MPRIP: variants seen among roughly 807,000 people sequenced by gnomAD.
MPRIP encodes myosin phosphatase Rho-interacting protein.
In MPRIP, 59 loss-of-function variants were observed where a neutral mutation model predicts 234.9. The ratio of observed to expected loss-of-function variants is 0.25; its 90% confidence interval spans 0.20 to 0.31. MPRIP has a LOEUF of 0.31. Among genes scored for constraint, MPRIP ranks in the 10% least tolerant of loss-of-function variants. The pLI is 1.00. For synonymous variants in MPRIP, 1,144 were observed against 1,263.9 expected, an observed-to-expected ratio of 0.91 and a Z score of 2.01; for missense variants, 2,436 against 3,071.0, an observed-to-expected ratio of 0.79 and a Z score of 4.89.
rs1431104870 is a variant in MPRIP at position 17,185,416 on chromosome 17, G to A, written c.*522G>A. The A allele has an allele frequency of 9.1e-6, 4 of 437,798 alleles. No individual in the cohort carries two copies. The highest frequency in any genetic ancestry group is 1.8e-5 in the Non-Finnish European group (4 of 216,294). 27.1% of individuals were successfully genotyped at this position (437,798 alleles called of 1,614,324 possible). ...AGAAAGTGCACTGCCTTCCAGCCCA[G>A]GAGGAGGACAGCATTTTGTATTTGT... On this transcript the variant is annotated 3_prime_UTR_variant, in exon 24 of 24. Transcript: ENST00000651222.
At chr17:17,181,576 G>T (rs943828339) in intron 23 of MPRIP, 2 of 152,184 alleles carry the variant, frequency 1.3e-5, no homozygotes, top group Non-Finnish European at 2.9e-5. Context: ...TAAACATAAC[G>T]TTTTGTTTAG....
At position 17,078,176 on chromosome 17, in the gene MPRIP, T is replaced by TC; in HGVS notation, c.267+102dup. On this transcript the variant is annotated intron_variant, in intron 3 of 23. Transcript: ENST00000651222. This position sits in a 1 kb window ranked among gnomAD's most constrained non-coding sequence, Gnocchi z 4.3. Reference sequence around the variant, plus strand: ...ATGTGAGAGCACAGCAGCCATGTGCTCCTGCTTGTGTCTGTTTGGGAGTGT... The same window carrying TC: ...ATGTGAGAGCACAGCAGCCATGTGCTCCCTGCTTGTGTCTGTTTGGGAGTGT... 8.0e-7 allele frequency: 1 copy of TC among 1,250,478 alleles called. No homozygotes were observed. The highest frequency in any genetic ancestry group is 1.2e-6 in the Non-Finnish European group (1 of 859,592). 77.5% of individuals were successfully genotyped at this position (1,250,478 alleles called of 1,614,324 possible).
chr17:17,180,217 C>T, intron 23 of MPRIP, 129 bp downstream of exon 23: 1 of 767,752 alleles, frequency 1.3e-6, no homozygotes, highest in South Asian at 1.9e-5. Context: ...CTGAGCCAGC[C>T]CGAGCTCACC....
intron 13 of MPRIP, among the ~76,000 whole-genome samples, chr17:17,156,701 G>A (rs1272256624): frequency 6.6e-6 from 1 of 152,182 alleles, no homozygotes; most frequent in Non-Finnish European, 1.5e-5. Context: ...GGCCAGGCTG[G>A]GGGCCTCCAT....
intron 1 of MPRIP, among the ~76,000 whole-genome samples, chr17:17,073,319 G>C (rs745425201): frequency 2.8e-4 from 43 of 152,332 alleles, no homozygotes; most frequent in Non-Finnish European, 5.4e-4. Flanking sequence ...GGCTGCTGCA[G>C]GCTCCCTGGT....
chr17:17,101,357 G>A (rs746782664), intron 3 of MPRIP, among the ~76,000 whole-genome samples: 1 of 152,212 alleles, frequency 6.6e-6, no homozygotes, highest in African/African-American at 2.4e-5. Flanking sequence ...CCTGAGGTCA[G>A]GAGTTCGAGA....
In MPRIP at chr17:17,185,448, G is replaced by A. The variant is rs1318338102; in HGVS notation, c.*554G>A. 1.3e-5 allele frequency: 6 copies of A among 453,994 alleles called. No homozygotes were observed. Among genetic ancestry groups the A allele is most frequent in the Non-Finnish European group, 1.8e-5 (4 of 225,302 alleles). The allele number at this position is 453,994 out of a possible 1,614,324, so 28.1% of individuals were successfully genotyped here. On this transcript the variant is annotated 3_prime_UTR_variant, in exon 24 of 24. Transcript: ENST00000651222. ...GACAGCATTTTGTATTTGTTCCACT[G>A]ATGCAGCTTAGAACCACACCCCTGA...
intron 3 of MPRIP, among the ~76,000 whole-genome samples, chr17:17,079,763 A>G (rs2089419887): frequency 6.6e-6 from 1 of 152,244 alleles, no homozygotes; most frequent in Non-Finnish European, 1.5e-5. Context: ...AAGTCCAGCA[A>G]AATCCATTAT....
intron 3 of MPRIP, among the ~76,000 whole-genome samples, chr17:17,112,668 C>T (rs910558232): frequency 1.3e-5 from 2 of 152,216 alleles, no homozygotes; most frequent in African/African-American, 4.8e-5. Context: ...CCCTCTGCCC[C>T]TTTAAGGGGA....
chr17:17,173,812 G>C, intron 18 of MPRIP, 104 bp from the exon 19 acceptor site: 1 of 1,329,726 alleles, frequency 7.5e-7, no homozygotes, highest in Non-Finnish European at 1.1e-6. Context: ...AGACTGTGTG[G>C]GCCTGACCTG....
Position 17,167,488 on chromosome 17 carries a change from T to A in MPRIP, c.5897T>A (p.Leu1966Gln). 2 of 1,304,124 alleles carry A rather than the reference T, an allele frequency of 1.5e-6. No homozygotes were observed. Among genetic ancestry groups the A allele is most frequent in the Non-Finnish European group, 2.0e-6 (2 of 988,956 alleles). 80.8% of individuals were successfully genotyped at this position (1,304,124 alleles called of 1,614,324 possible). The change falls in exon 16 of 24, where the codon CTG (leucine) becomes CAG (glutamine). Residue 1966 changes from leucine (L) to glutamine (Q), a missense_variant. Around this residue, in one of 4 missense-constraint regions of MPRIP, gnomAD observed 1,998 missense variants for 2,520.3 expected, o/e 0.79. Coordinates refer to ENST00000651222, the MANE Select transcript of MPRIP (RefSeq NM_001364716.4). This position sits in a 1 kb window ranked among gnomAD's most constrained non-coding sequence, Gnocchi z 5.9. ...VEQLTRTEST[L>Q]QAERSRVLSQ... Reference sequence around the variant, plus strand: ...CAGCTGACCAGGACCGAGAGCACACTGCAGGCTGAGCGCAGCCGGGTCCTG... The same window carrying A: ...CAGCTGACCAGGACCGAGAGCACACAGCAGGCTGAGCGCAGCCGGGTCCTG...
chr17:17,133,560 TG>T (rs1372544085), intron 5 of MPRIP, among the ~76,000 whole-genome samples: 3 of 152,186 alleles, frequency 2.0e-5, no homozygotes, highest in Admixed American at 6.5e-5. Context: ...TCTTTCTCCA[TG>T]GCCCAGTGTT....
chr17:17,068,635 A>G (rs2089115542), intron 1 of MPRIP, among the ~76,000 whole-genome samples: 1 of 151,556 alleles, frequency 6.6e-6, no homozygotes, highest in South Asian at 2.1e-4. Context: ...GTTTCAGGCA[A>G]TTCTCCTGCC....
chr17:17,186,589 C>T lies in MPRIP; in HGVS notation c.*1695C>T, dbSNP rs1446628254. The T allele has an allele frequency of 2.0e-5, 3 of 152,120 alleles. No individual in the cohort carries two copies. The highest frequency in any genetic ancestry group is 6.5e-5 in the Admixed American group (1 of 15,270). The allele number at this position is 152,120 out of a possible 1,614,324, so 9.4% of individuals were successfully genotyped here. A position where few individuals can be genotyped will look rare whatever the true frequency, so the allele number is the denominator to read the frequency against. ...CTACTTCTCTGAGGTGGCACAGTTG[C>T]GTAGCTGTAGTCCCAGCTACTCAGG... On this transcript the variant is annotated 3_prime_UTR_variant, in exon 24 of 24. Coordinates refer to ENST00000651222, the MANE Select transcript of MPRIP (RefSeq NM_001364716.4).
At chr17:17,062,409 C>T (rs888029763) in intron 1 of MPRIP, among the ~76,000 whole-genome samples, 3 of 152,198 alleles carry the variant, frequency 2.0e-5, no homozygotes, top group Non-Finnish European at 2.9e-5. Context: ...CTTGGCAGTC[C>T]GCATAATAGC....
intron 2 of MPRIP, chr17:17,077,792 T>A: frequency 6.0e-5 from 27 of 449,430 alleles, no homozygotes; most frequent in East Asian, 1.2e-4. Flanking sequence ...TAAGCCTCAA[T>A]CACTCATGTG....
intron 9 of MPRIP, among the ~76,000 whole-genome samples, chr17:17,145,649 C>G (rs2144525697): frequency 6.6e-6 from 1 of 152,368 alleles, no homozygotes; most frequent in South Asian, 2.1e-4. Context: ...AATCAATTCT[C>G]CTTTCAGCCT....
At chr17:17,123,981 G>A (rs1244726398) in intron 3 of MPRIP, among the ~76,000 whole-genome samples, 1 of 152,180 alleles carries the variant, frequency 6.6e-6, no homozygotes, top group East Asian at 1.9e-4. Context: ...TGACACACAG[G>A]TAGTTAATAC....
intron 12 of MPRIP, among the ~76,000 whole-genome samples, chr17:17,153,426 T>A (rs61608940): frequency 0.085 from 12,970 of 152,024 alleles, 1,774 homozygotes; most frequent in African/African-American, 0.29. Flanking sequence ...GAAGCAGGCC[T>A]CCAGCTCCAT....
Sources: gnomAD v4.1 joint callset for allele counts (sites outside exome capture counted in the v4.1 genomes callset) on GRCh38, gnomAD v4.1.1 for gene constraint, gnomAD v4.1.1 regional missense constraint, Gnocchi (gnomAD v3.1) non-coding constraint, MANE v1.5 for transcripts, NCBI Gene and HGNC (gene_info 2026-07-23, HGNC 2026-07-21) for gene names.